The following NEK5 variants were observed in gnomAD, a reference collection of about 807,000 sequenced individuals.
NEK5 encodes serine/threonine-protein kinase Nek5.
In NEK5, 88 loss-of-function variants were observed where a neutral mutation model predicts 109.2. That is an observed-to-expected ratio of 0.81 (90% CI 0.68 to 0.96). NEK5 has a LOEUF of 0.96. Ranked by LOEUF, NEK5 falls within the 40% of genes least tolerant of loss-of-function variation. NEK5 has a pLI of 0.00. For synonymous variants in NEK5, 283 were observed against 299.9 expected (o/e 0.94, Z 0.58); for missense variants, 834 against 920.7 (o/e 0.91, Z 1.22).
chr13:52,086,214 C>T, intron 16 of NEK5, 63 bp downstream of exon 16: 1 of 1,010,084 alleles, frequency 9.9e-7, no homozygotes, highest in South Asian at 1.3e-5. Context: ...ACTTTTAATA[C>T]CAGCTCAATT....
At chr13:52,064,295 C>G (rs1238862579) in intron 21 of NEK5, among the ~76,000 whole-genome samples, 1 of 141,172 alleles carries the variant, frequency 7.1e-6, no homozygotes, top group African/African-American at 2.6e-5. Flanking sequence ...CCCGGCCGCC[C>G]CTACTGGGAA....
In NEK5 at chr13:52,050,959, C is replaced by G. The variant is rs574894614; in HGVS notation, c.2111-738G>C. On this transcript the variant is annotated intron_variant, in intron 22 of 23. Coordinates refer to ENST00000684899, the MANE Select transcript of NEK5 (RefSeq NM_001365552.1). ...GGTCTCAAACTCCTGACCTCCTGAT[C>G]CACCTGCCTCGGCCTCCCAAAGTGC... is the stretch of plus-strand genomic sequence containing the variant. 1.5e-3 allele frequency among the ~76,000 whole-genome samples: 226 copies of G among 151,792 alleles called. 1 individual carries two copies. The Middle Eastern group carries it at 0.017, about 11-fold the overall frequency.
At chr13:52,043,758 G>A (rs937156376) in intron 23 of NEK5, among the ~76,000 whole-genome samples, 11 of 152,290 alleles carry the variant, frequency 7.2e-5, no homozygotes, top group African/African-American at 2.6e-4. Flanking sequence ...ACACCTAGTA[G>A]ATGGGTTAAA....
intron 8 of NEK5, among the ~76,000 whole-genome samples, chr13:52,106,693 G>C (rs1955662778): frequency 1.3e-5 from 2 of 150,264 alleles, no homozygotes; most frequent in Non-Finnish European, 3.0e-5. Context: ...CTTGAACCTG[G>C]GAGGCAGAGA....
At position 52,036,829 on chromosome 13, in the gene NEK5, T is replaced by A. The variant is rs1008896098; in HGVS notation, c.*119A>T. 33 of 362,092 alleles carry A rather than the reference T, an allele frequency of 9.1e-5. No individual in the cohort carries two copies. The highest frequency in any genetic ancestry group is 1.2e-4 in the Non-Finnish European group (31 of 260,548). 22.4% of individuals were successfully genotyped at this position (362,092 alleles called of 1,614,324 possible). A position where few individuals can be genotyped will look rare whatever the true frequency, so the allele number is the denominator to read the frequency against. ...TCTACTTCCTAAATTGAAAGAAAAA[T>A]TAATAAATCCTTGAGATTACTAGAA... On this transcript the variant is annotated 3_prime_UTR_variant, in exon 24 of 24. Coordinates refer to ENST00000684899, the MANE Select transcript of NEK5 (RefSeq NM_001365552.1).
intron 3 of NEK5, among the ~76,000 whole-genome samples, chr13:52,120,390 T>C (rs1366549976): frequency 6.6e-6 from 1 of 151,968 alleles, no homozygotes; most frequent in East Asian, 1.9e-4. Flanking sequence ...AAGAATATTA[T>C]AAACAAAATT....
At chr13:52,122,020 T>C (rs1019170219) in intron 3 of NEK5, among the ~76,000 whole-genome samples, 1 of 151,630 alleles carries the variant, frequency 6.6e-6, no homozygotes, top group African/African-American at 2.4e-5. Flanking sequence ...TCCCAACTCA[T>C]CCTCCAGAAT....
chr13:52,117,131 C>G (rs1955875198), intron 4 of NEK5, among the ~76,000 whole-genome samples: 4 of 152,160 alleles, frequency 2.6e-5, no homozygotes, highest in African/African-American at 4.8e-5. Flanking sequence ...CATGGCCAGG[C>G]TGGTCTTGAA....
intron 21 of NEK5, among the ~76,000 whole-genome samples, chr13:52,064,136 A>G (rs1954645240): frequency 7.7e-6 from 1 of 130,284 alleles, no homozygotes; most frequent in South Asian, 2.6e-4. Context: ...GGAAGTCAGG[A>G]GCCCCTCTGC....
intron 20 of NEK5, among the ~76,000 whole-genome samples, chr13:52,069,117 T>G (rs1954742474): frequency 1.3e-5 from 2 of 151,578 alleles, no homozygotes; most frequent in East Asian, 1.9e-4. Flanking sequence ...CTGATGAAGG[T>G]TTTTTTTTCT....
At chr13:52,048,296 G>A (rs1021721087) in intron 23 of NEK5, among the ~76,000 whole-genome samples, 3 of 151,966 alleles carry the variant, frequency 2.0e-5, no homozygotes, top group East Asian at 1.9e-4. Flanking sequence ...AATTAGGCAG[G>A]CACAGTGGCT....
At chr13:52,045,764 CAAA>C (rs769932877) in intron 23 of NEK5, among the ~76,000 whole-genome samples, 4 of 63,150 alleles carry the variant, frequency 6.3e-5, no homozygotes, top group Admixed American at 2.0e-4. Flanking sequence ...GACTCTGTCT[CAAA>C]AAAAAAAAAA....
chr13:52,102,359 G>A (rs1566802688), intron 9 of NEK5, 67 bp from the exon 10 acceptor site: 1 of 1,233,194 alleles, frequency 8.1e-7, no homozygotes, highest in African/African-American at 1.5e-5. Context: ...TAATAAAAGT[G>A]TTAAAGTAAC....
chr13:52,068,235 T>C (rs1452850730), intron 20 of NEK5, among the ~76,000 whole-genome samples: 1 of 152,180 alleles, frequency 6.6e-6, no homozygotes. Context: ...AAACTCACCC[T>C]TACTGTCCAC....
intron 13 of NEK5, among the ~76,000 whole-genome samples, chr13:52,091,599 A>C (rs1405409292): frequency 6.6e-6 from 1 of 152,204 alleles, no homozygotes; most frequent in African/African-American, 2.4e-5. Flanking sequence ...TAATTCATCC[A>C]AAATTTCAAC....
At chr13:52,044,832 G>C (rs527504451) in intron 23 of NEK5, among the ~76,000 whole-genome samples, 1 of 152,152 alleles carries the variant, frequency 6.6e-6, no homozygotes, top group Non-Finnish European at 1.5e-5. Context: ...CAGACAGTAT[G>C]AAACGAAAAG....
intron 16 of NEK5, 95 bp from the exon 17 acceptor site, chr13:52,083,447 C>T (rs1955056364): frequency 1.4e-6 from 1 of 736,842 alleles, no homozygotes. Context: ...AATGGCTGGA[C>T]AGAACCCTTT....
chr13:52,051,956 C>T (rs1954509468), intron 22 of NEK5, among the ~76,000 whole-genome samples: 1 of 152,184 alleles, frequency 6.6e-6, no homozygotes, highest in Admixed American at 6.5e-5. Context: ...TATCTGATTG[C>T]TTCTGCCCTA....
chr13:52,106,470 G>C (rs1489336712), intron 8 of NEK5, among the ~76,000 whole-genome samples: 1 of 152,052 alleles, frequency 6.6e-6, no homozygotes, highest in Non-Finnish European at 1.5e-5. Flanking sequence ...GTATACATTA[G>C]CATTACTGCT....
Sources: allele counts gnomAD v4.1 joint callset (sites outside exome capture counted in the v4.1 genomes callset), GRCh38; gene constraint gnomAD v4.1.1; transcripts MANE v1.5; gene names NCBI Gene and HGNC (gene_info 2026-07-23, HGNC 2026-07-21).